The following FAM13A variants were observed in gnomAD, a reference collection of about 807,000 sequenced individuals.
FAM13A encodes family with sequence similarity 13 member A.
A neutral mutation model predicts 129.6 loss-of-function variants in FAM13A; 76 were observed. The observed-to-expected ratio is 0.59, with a 90% CI of 0.49 to 0.71. The LOEUF (loss-of-function observed/expected upper bound fraction) is 0.71. Among genes scored for constraint, FAM13A ranks in the 30% least tolerant of loss-of-function variants. FAM13A has a pLI of 0.00. For missense variants in FAM13A, 1,108 were observed against 1,249.3 expected (o/e 0.89, Z 1.70); for synonymous variants, 443 against 449.9 (o/e 0.98, Z 0.20).
At chr4:89,008,126 T>G (rs967707658) in intron 3 of FAM13A, among the ~76,000 whole-genome samples, 19 of 152,264 alleles carry the variant, frequency 1.2e-4, no homozygotes, top group African/African-American at 4.6e-4. Flanking sequence ...CTAATTAACA[T>G]CCCACTGCAG....
chr4:88,794,006 A>G (rs1725689661), intron 8 of FAM13A, among the ~76,000 whole-genome samples: 1 of 152,034 alleles, frequency 6.6e-6, no homozygotes, highest in Non-Finnish European at 1.5e-5. Context: ...CAATAAGCAA[A>G]TAAGCCAAAG....
In FAM13A at chr4:88,747,877, G is replaced by A; in HGVS notation, c.2162-26C>T. On this transcript the variant is annotated intron_variant, in intron 17 of 23. Coordinates refer to ENST00000264344, the MANE Select transcript of FAM13A (RefSeq NM_014883.4). Reference sequence around the variant, plus strand: ...CTAGTTGAGAAGATTTGGGGGTAAAGATATATGAGATTTATTTATTTATTT... The same window carrying A: ...CTAGTTGAGAAGATTTGGGGGTAAAAATATATGAGATTTATTTATTTATTT... The A allele has an allele frequency of 2.1e-6, 3 of 1,442,000 alleles. No individual in the cohort carries two copies. The South Asian group carries it at 3.5e-5, about 17-fold the overall frequency. 89.3% of individuals were successfully genotyped at this position (1,442,000 alleles called of 1,614,324 possible). A position where few individuals can be genotyped will look rare whatever the true frequency, so the allele number is the denominator to read the frequency against.
At chr4:88,959,664 A>G (rs1019681969) in intron 4 of FAM13A, among the ~76,000 whole-genome samples, 2 of 152,218 alleles carry the variant, frequency 1.3e-5, no homozygotes, top group Non-Finnish European at 2.9e-5. Flanking sequence ...ACTCAGTCTC[A>G]GGTATTTCTT....
chr4:88,755,315 A>G (rs1317224245), intron 14 of FAM13A, among the ~76,000 whole-genome samples: 1 of 152,224 alleles, frequency 6.6e-6, no homozygotes, highest in Non-Finnish European at 1.5e-5. Flanking sequence ...ACTGACACAC[A>G]TAGTGCCTAC....
chr4:88,954,780 G>A (rs1757486282), intron 4 of FAM13A, among the ~76,000 whole-genome samples: 1 of 151,870 alleles, frequency 6.6e-6, no homozygotes, highest in African/African-American at 2.4e-5. Flanking sequence ...CAGCTACTCA[G>A]GAGGCTGAGG....
At chr4:88,746,057 T>C (rs1741263925) in intron 19 of FAM13A, among the ~76,000 whole-genome samples, 1 of 152,148 alleles carries the variant, frequency 6.6e-6, no homozygotes, top group Non-Finnish European at 1.5e-5. Flanking sequence ...GGAACCTTCT[T>C]TATTTAAAAG....
chr4:88,842,137 AG>A (rs1483382644), intron 7 of FAM13A, among the ~76,000 whole-genome samples: 1 of 152,276 alleles, frequency 6.6e-6, no homozygotes, highest in Non-Finnish European at 1.5e-5. Flanking sequence ...ACATATGCTA[AG>A]TGAAAGAAGA....
intron 6 of FAM13A, among the ~76,000 whole-genome samples, chr4:88,893,691 G>A (rs576324468): frequency 1.6e-4 from 25 of 151,824 alleles, no homozygotes; most frequent in African/African-American, 6.0e-4. Context: ...GGTGGCGGGC[G>A]CCTGTAGTCC....
intron 3 of FAM13A, among the ~76,000 whole-genome samples, chr4:89,013,504 C>T (rs1456148852): frequency 1.3e-5 from 2 of 152,060 alleles, no homozygotes; most frequent in Non-Finnish European, 2.9e-5. Context: ...TACAGTCATG[C>T]ACTGCACAAT....
chr4:88,776,426 G>C (rs72870544), intron 11 of FAM13A, among the ~76,000 whole-genome samples: 13,045 of 152,018 alleles, frequency 0.086, 983 homozygotes, highest in East Asian at 0.32. Context: ...TCTACCTATG[G>C]ATTATTGGGA....
intron 19 of FAM13A, among the ~76,000 whole-genome samples, chr4:88,740,351 G>A (rs1054380145): frequency 2.0e-5 from 3 of 152,186 alleles, no homozygotes; most frequent in African/African-American, 7.2e-5. Context: ...TGAGACTGTA[G>A]CCCCTTGAGA....
At chr4:88,786,077 TG>T (rs991007799) in intron 10 of FAM13A, among the ~76,000 whole-genome samples, 1 of 152,188 alleles carries the variant, frequency 6.6e-6, no homozygotes, top group Non-Finnish European at 1.5e-5. Flanking sequence ...GAAATGTCCC[TG>T]GGCTTGGGAA....
rs1439666302 is a variant in FAM13A, at chr4:88,823,291, G to C, written c.1008-18239C>G. ...AGCAGCTGAACCACCGGGCCAATCAGAGCAGCAGCTGCTGCAGCACTAAAG... is the reference window on the plus strand; with the variant it reads ...AGCAGCTGAACCACCGGGCCAATCACAGCAGCAGCTGCTGCAGCACTAAAG... On this transcript the variant is annotated intron_variant, in intron 7 of 23. Coordinates refer to ENST00000264344, the MANE Select transcript of FAM13A (RefSeq NM_014883.4). 2.6e-5 allele frequency: 32 copies of C among 1,209,594 alleles called. No individual in the cohort carries two copies. The South Asian group carries it at 7.6e-4, about 29-fold the overall frequency. 74.9% of individuals were successfully genotyped at this position (1,209,594 alleles called of 1,614,324 possible).
chr4:88,981,500 C>G (rs1398634994), intron 4 of FAM13A, among the ~76,000 whole-genome samples: 2 of 152,134 alleles, frequency 1.3e-5, no homozygotes, highest in Admixed American at 1.3e-4. Flanking sequence ...AATCTCTCAC[C>G]TAATCTTAAG....
At chr4:88,754,115 A>G (rs1182779252) in intron 14 of FAM13A, among the ~76,000 whole-genome samples, 1 of 152,356 alleles carries the variant, frequency 6.6e-6, no homozygotes, top group South Asian at 2.1e-4. Flanking sequence ...TTCCTTGTGT[A>G]CAGTTAGTTT....
At chr4:88,892,800 T>G (rs900179496) in intron 6 of FAM13A, among the ~76,000 whole-genome samples, 26 of 152,198 alleles carry the variant, frequency 1.7e-4, no homozygotes, top group African/African-American at 6.0e-4. Flanking sequence ...ACAAGTCAAA[T>G]GATAAAAGGC....
intron 6 of FAM13A, among the ~76,000 whole-genome samples, chr4:88,873,826 CACA>C (rs1561218507): frequency 6.6e-6 from 1 of 152,088 alleles, no homozygotes; most frequent in African/African-American, 2.4e-5. Context: ...CTGGCAGAGA[CACA>C]ACAACAAAAA....
At chr4:89,019,235 T>A (rs1361830173) in intron 3 of FAM13A, among the ~76,000 whole-genome samples, 1 of 152,212 alleles carries the variant, frequency 6.6e-6, no homozygotes, top group Non-Finnish European at 1.5e-5. Context: ...TTCTCACTTA[T>A]CCTGTTCTTT....
At chr4:89,001,529 T>C (rs1015531324) in intron 3 of FAM13A, among the ~76,000 whole-genome samples, 3 of 152,212 alleles carry the variant, frequency 2.0e-5, no homozygotes. Flanking sequence ...TTTGTGTAAG[T>C]TGAGTAATTT....
Sources: gnomAD v4.1 joint callset for allele counts (sites outside exome capture counted in the v4.1 genomes callset) on GRCh38, gnomAD v4.1.1 for gene constraint, MANE v1.5 for transcripts, NCBI Gene and HGNC (gene_info 2026-07-23, HGNC 2026-07-21) for gene names.